Variants in NHS observed in about 807,000 individuals in gnomAD.
The protein encoded by NHS is NHS actin remodeling regulator, also known as actin remodeling regulator NHS.
NHS carries 5 observed loss-of-function variants against 72.5 expected under a neutral mutation model. That is an observed-to-expected ratio of 0.07 (90% CI 0.04 to 0.14). The LOEUF is 0.14. NHS is among the 10% of genes least tolerant of loss of function. The pLI, the probability that NHS is intolerant of heterozygous loss-of-function variation, is 1.00. For synonymous variants in NHS, 464 were observed against 547.7 expected, an observed-to-expected ratio of 0.85 and a Z score of 2.13; for missense variants, 1,072 against 1,355.7, an observed-to-expected ratio of 0.79 and a Z score of 3.29.
intron 1 of NHS, among the ~76,000 whole-genome samples, chrX:17,539,324 G>C (rs2065251033): frequency 9.1e-6 from 1 of 109,734 alleles, no homozygotes; most frequent in Non-Finnish European, 1.9e-5. Flanking sequence ...TTCCCTGCTT[G>C]ATGGTTCTCC....
At chrX:17,483,274 T>G (rs749763778) in intron 1 of NHS, among the ~76,000 whole-genome samples, 2 of 112,156 alleles carry the variant, frequency 1.8e-5, no homozygotes, top group African/African-American at 3.2e-5. Context: ...AATATTATAA[T>G]AGATATATGC....
Position 17,502,493 on chromosome X carries a change from T to TAAG in NHS, c.565+126175_565+126177dup, listed in dbSNP as rs754383269. Among the ~76,000 whole-genome samples, 37 of 108,454 alleles carry TAAG rather than the reference T, an allele frequency of 3.4e-4. 4 individuals carry two copies. Among genetic ancestry groups the TAAG allele is most frequent in the African/African-American group, 1.2e-3 (35 of 29,905 alleles). The allele number at this position is 108,454 out of a possible 115,157, so 94.2% of individuals were successfully genotyped here. A position where few individuals can be genotyped will look rare whatever the true frequency, so the allele number is the denominator to read the frequency against. ...ATTTGACTTAAGAACAATCTGCATT[T>TAAG]AAGAAGTCAGGGTTGGCCGGGCGCG... On this transcript the variant is annotated intron_variant, in intron 1 of 8. Coordinates refer to ENST00000676302, the MANE Select transcript of NHS (RefSeq NM_001291867.2).
intron 1 of NHS, among the ~76,000 whole-genome samples, chrX:17,452,822 A>G (rs1428380259): frequency 3.6e-5 from 4 of 112,234 alleles, no homozygotes; most frequent in Non-Finnish European, 7.5e-5. Context: ...AAAAGCTGCC[A>G]AAGTCACTCT....
intron 1 of NHS, among the ~76,000 whole-genome samples, chrX:17,673,217 C>CACAT (rs2066059417): frequency 1.0e-5 from 1 of 98,492 alleles, no homozygotes. Context: ...CACACACACA[C>CACAT]ACACACACAC....
intron 1 of NHS, among the ~76,000 whole-genome samples, chrX:17,477,885 G>T (rs1243194425): frequency 9.0e-6 from 1 of 111,473 alleles, no homozygotes; most frequent in Non-Finnish European, 1.9e-5. Flanking sequence ...AATTATTGTG[G>T]TCATTTTTTG....
intron 1 of NHS, among the ~76,000 whole-genome samples, chrX:17,553,143 A>G (rs1462201466): frequency 8.8e-6 from 1 of 113,029 alleles, no homozygotes; most frequent in Non-Finnish European, 1.9e-5. Flanking sequence ...GGCAGAGCCT[A>G]TAACCAAGAG....
At chrX:17,633,286 TTG>T (rs1022305262) in intron 1 of NHS, among the ~76,000 whole-genome samples, 1 of 112,160 alleles carries the variant, frequency 8.9e-6, no homozygotes. Flanking sequence ...TGATCTCTTT[TTG>T]TGTTTTATTT....
At chrX:17,663,795 C>G (rs1601824072) in intron 1 of NHS, among the ~76,000 whole-genome samples, 1 of 111,683 alleles carries the variant, frequency 9.0e-6, no homozygotes, top group East Asian at 2.8e-4. Flanking sequence ...GGCAGAGATT[C>G]TTCAAAAATT....
chrX:17,496,092 A>G (rs1041203831), intron 1 of NHS, among the ~76,000 whole-genome samples: 3 of 111,072 alleles, frequency 2.7e-5, no homozygotes, highest in African/African-American at 9.8e-5. Flanking sequence ...CTGCCCTCCA[A>G]TCTCCTCTGG....
At chrX:17,480,794 T>G (rs1197082714) in intron 1 of NHS, among the ~76,000 whole-genome samples, 1 of 111,985 alleles carries the variant, frequency 8.9e-6, no homozygotes, top group Non-Finnish European at 1.9e-5. Flanking sequence ...ATGCATACCC[T>G]GATGGTATGG....
intron 1 of NHS, among the ~76,000 whole-genome samples, chrX:17,491,164 T>C (rs1470439629): frequency 8.9e-6 from 1 of 111,777 alleles, no homozygotes; most frequent in Non-Finnish European, 1.9e-5. Context: ...AATACTGTGT[T>C]GAATAGGAGT....
At chrX:17,708,621 G>T (rs189414752) in intron 3 of NHS, among the ~76,000 whole-genome samples, 10 of 111,528 alleles carry the variant, frequency 9.0e-5, no homozygotes, top group East Asian at 5.6e-4. Context: ...GAATGGGGTG[G>T]GGTGGCAGGA....
chrX:17,527,869 A>G (rs1372038399), intron 1 of NHS, among the ~76,000 whole-genome samples: 1 of 108,569 alleles, frequency 9.2e-6, no homozygotes, highest in African/African-American at 3.4e-5. Flanking sequence ...GCTCCCTTCA[A>G]AGGGACCCAT....
At chrX:17,656,755 G>A (rs754428614) in intron 1 of NHS, among the ~76,000 whole-genome samples, 15 of 112,768 alleles carry the variant, frequency 1.3e-4, no homozygotes, top group Non-Finnish European at 2.8e-4. Context: ...CTGGGTGGAG[G>A]GGTCTGCAGG....
rs759665461 is a variant in NHS, at chrX:17,502,788, CAAAAA to C, written c.565+126484_565+126488del. Among the ~76,000 whole-genome samples the C allele has an allele frequency of 4.2e-4, 3 of 7,102 alleles. 1 individual carries two copies. Among genetic ancestry groups the C allele is most frequent in the African/African-American group, 1.3e-3 (3 of 2,386 alleles). 6.2% of individuals were successfully genotyped at this position (7,102 alleles called of 115,157 possible). On this transcript the variant is annotated intron_variant, in intron 1 of 8. Transcript: ENST00000676302. ...TGGGCGACAGAGCGAGACTCCGTCT[CAAAAA>C]AAAAAAAAAAAAAAAAAGAAGTCAG...
chrX:17,609,434 T>C (rs1194428038), intron 1 of NHS, among the ~76,000 whole-genome samples: 1 of 111,570 alleles, frequency 9.0e-6, no homozygotes, highest in African/African-American at 3.3e-5. Context: ...AAGAGAGGAC[T>C]CACAAGTTCC....
intron 1 of NHS, among the ~76,000 whole-genome samples, chrX:17,581,736 T>C (rs1181604323): frequency 1.8e-5 from 2 of 111,469 alleles, no homozygotes; most frequent in Non-Finnish European, 3.8e-5. Context: ...TTTCTAGGGC[T>C]GCCTTTCACC....
intron 1 of NHS, among the ~76,000 whole-genome samples, chrX:17,584,739 A>T (rs2065565272): frequency 9.0e-6 from 1 of 111,457 alleles, no homozygotes; most frequent in Admixed American, 9.5e-5. Context: ...CTTTTTCAAT[A>T]CCTTTTCACA....
chrX:17,623,572 A>G (rs1027634894), intron 1 of NHS, among the ~76,000 whole-genome samples: 2 of 111,546 alleles, frequency 1.8e-5, no homozygotes, highest in African/African-American at 6.5e-5. Flanking sequence ...TCGGTCTTCC[A>G]AGAGGCCTTC....
Sources: allele counts gnomAD v4.1 joint callset (sites outside exome capture counted in the v4.1 genomes callset), GRCh38; gene constraint gnomAD v4.1.1; transcripts MANE v1.5; gene names NCBI Gene and HGNC (gene_info 2026-07-23, HGNC 2026-07-21).